LINGO2: variants seen among roughly 807,000 people sequenced by gnomAD.
LINGO2 encodes the protein leucine-rich repeat and immunoglobulin-like domain-containing nogo receptor-interacting protein 2.
LINGO2 carries 14 observed loss-of-function variants against 30.6 expected under a neutral mutation model. The ratio of observed to expected loss-of-function variants is 0.46; its 90% CI spans 0.30 to 0.72. The LOEUF (loss-of-function observed/expected upper bound fraction) is 0.72, where lower values mean the gene tolerates loss of function less well. Among genes scored for constraint, LINGO2 ranks in the 30% least tolerant of loss-of-function variants. LINGO2 has a pLI of 0.07. For synonymous variants in LINGO2, 317 were observed against 288.5 expected (o/e 1.10, Z -1.00); for missense variants, 729 against 751.7 (o/e 0.97, Z 0.35).
the LINGO2 span, among the ~76,000 whole-genome samples, chr9:28,838,243 T>G: frequency 6.6e-6 from 1 of 152,184 alleles, no homozygotes; most frequent in African/African-American, 2.4e-5. Flanking sequence ...AACTGCCTTC[T>G]ATTAGGTCGA....
chr9:27,966,431 G>A (rs1312941520), intron 5 of LINGO2, among the ~76,000 whole-genome samples: 1 of 152,110 alleles, frequency 6.6e-6, no homozygotes, highest in African/African-American at 2.4e-5. Context: ...GGACATGGAT[G>A]AAATTTGAAA....
intron 3 of LINGO2, among the ~76,000 whole-genome samples, chr9:28,316,203 C>T (rs938394371): frequency 6.6e-6 from 1 of 151,880 alleles, no homozygotes; most frequent in African/African-American, 2.4e-5. Context: ...TATATTATTA[C>T]ATGTATATAC....
rs532252315 is a variant in LINGO2, at chr9:28,514,451, G to T, written c.-364-38426C>A. 4.6e-5 allele frequency among the ~76,000 whole-genome samples: 7 copies of T among 152,248 alleles called. No homozygotes were observed. The South Asian group carries it at 1.5e-3, about 32-fold the overall frequency. ...GAAGAAAATAAAAAGTACTACTCTG[G>T]CAAACAAGAATAATAAGAAAGGGAA... is the stretch of plus-strand genomic sequence containing the variant. On this transcript the variant is annotated intron_variant, in intron 1 of 5. Coordinates refer to ENST00000379992, the Ensembl canonical transcript of LINGO2.
the LINGO2 span, among the ~76,000 whole-genome samples, chr9:28,767,543 T>G: frequency 6.6e-6 from 1 of 151,986 alleles, no homozygotes; most frequent in Non-Finnish European, 1.5e-5. Flanking sequence ...CCCAGCACTT[T>G]GGGAGGCCGA....
chr9:29,001,089 G>C, the LINGO2 span, among the ~76,000 whole-genome samples: 1 of 88,200 alleles, frequency 1.1e-5, no homozygotes, highest in African/African-American at 3.3e-5. Context: ...TTGTATATTT[G>C]TATGTGTGTG....
chr9:29,069,218 A>G, the LINGO2 span, among the ~76,000 whole-genome samples: 1 of 151,998 alleles, frequency 6.6e-6, no homozygotes, highest in Non-Finnish European at 1.5e-5. Flanking sequence ...GACAGAACTA[A>G]TATGCATAAT....
At chr9:28,349,204 C>T (rs1207870687) in intron 3 of LINGO2, among the ~76,000 whole-genome samples, 1 of 151,992 alleles carries the variant, frequency 6.6e-6, no homozygotes, top group Non-Finnish European at 1.5e-5. Flanking sequence ...TTATTCTGAG[C>T]TACGGGAGGA....
the LINGO2 span, among the ~76,000 whole-genome samples, chr9:28,748,943 GTAAT>G: frequency 6.6e-6 from 1 of 152,096 alleles, no homozygotes; most frequent in African/African-American, 2.4e-5. Context: ...GTTTTGATGT[GTAAT>G]TATTCTCAAG....
chr9:28,643,049 C>T (rs966129153), intron 1 of LINGO2, among the ~76,000 whole-genome samples: 29 of 151,774 alleles, frequency 1.9e-4, no homozygotes, highest in Non-Finnish European at 2.4e-4. Context: ...GGACACCAAA[C>T]GATAGAAAGA....
chr9:28,587,532 G>A (rs1157287162), intron 1 of LINGO2, among the ~76,000 whole-genome samples: 2 of 151,898 alleles, frequency 1.3e-5, no homozygotes, highest in Non-Finnish European at 2.9e-5. Flanking sequence ...TATGTACAGG[G>A]TGACCTTGGC....
intron 4 of LINGO2, among the ~76,000 whole-genome samples, chr9:28,144,635 G>C (rs548731114): frequency 4.6e-4 from 70 of 152,288 alleles, no homozygotes; most frequent in Non-Finnish European, 8.5e-4. Context: ...AGAAAGAGTT[G>C]AAAGTCTACT....
At chr9:28,584,658 C>T (rs1024736753) in intron 1 of LINGO2, among the ~76,000 whole-genome samples, 1 of 151,876 alleles carries the variant, frequency 6.6e-6, no homozygotes, top group Admixed American at 6.6e-5. Context: ...ATGACTAATT[C>T]TTATAATAGA....
At chr9:28,391,952 TA>T (rs201576996) in intron 2 of LINGO2, among the ~76,000 whole-genome samples, 1,740 of 152,318 alleles carry the variant, frequency 0.011, 34 homozygotes, top group African/African-American at 0.04. Flanking sequence ...CTCACGCCTG[TA>T]ATCTCAGCAC....
chr9:28,490,951 A>T (rs1363659741), intron 1 of LINGO2, among the ~76,000 whole-genome samples: 1 of 152,232 alleles, frequency 6.6e-6, no homozygotes, highest in Non-Finnish European at 1.5e-5. Flanking sequence ...AATCTGGAAA[A>T]AAATACAAAT....
the LINGO2 span, among the ~76,000 whole-genome samples, chr9:28,886,421 C>T: frequency 6.6e-5 from 10 of 152,120 alleles, no homozygotes; most frequent in Admixed American, 5.9e-4. Flanking sequence ...TTAAGTCATA[C>T]TAGGCAGTAA....
chr9:28,481,163 T>C (rs2135221524), intron 1 of LINGO2, among the ~76,000 whole-genome samples: 1 of 152,282 alleles, frequency 6.6e-6, no homozygotes, highest in Non-Finnish European at 1.5e-5. Context: ...TTTGGGCTCA[T>C]TTCCTATGTG....
At chr9:28,018,980 A>C (rs1192576151) in intron 4 of LINGO2, among the ~76,000 whole-genome samples, 1 of 152,190 alleles carries the variant, frequency 6.6e-6, no homozygotes, top group Non-Finnish European at 1.5e-5. Flanking sequence ...CCTTTGCAGC[A>C]ACATGAGTGG....
the LINGO2 span, among the ~76,000 whole-genome samples, chr9:28,716,018 C>T: frequency 6.6e-6 from 1 of 151,860 alleles, no homozygotes. Context: ...TACCTTTATA[C>T]AGGCATCGTA....
the LINGO2 span, among the ~76,000 whole-genome samples, chr9:28,991,704 C>T: frequency 1.3e-5 from 2 of 151,122 alleles, no homozygotes; most frequent in African/African-American, 4.9e-5. Flanking sequence ...GAGTGGGGGC[C>T]AGTATTCAAC....
Sources: gnomAD v4.1 joint callset for allele counts (sites outside exome capture counted in the v4.1 genomes callset) on GRCh38, gnomAD v4.1.1 for gene constraint, MANE v1.5 for transcripts, NCBI Gene and HGNC (gene_info 2026-07-23, HGNC 2026-07-21) for gene names.